The following DNAI1 variants were observed in gnomAD, a reference collection of about 807,000 sequenced individuals.
DNAI1 encodes the protein dynein, axonemal, intermediate polypeptide 1.
DNAI1 carries 67 observed loss-of-function variants against 92.0 expected under a neutral mutation model. That is an observed-to-expected ratio of 0.73 (90% CI 0.60 to 0.89). The LOEUF is 0.89. Ranked by LOEUF, DNAI1 falls within the 40% of genes least tolerant of loss-of-function variation. The probability of loss-of-function intolerance (pLI) is 0.00; values close to 1 mark genes in which losing one functional copy is unlikely to be tolerated. For missense variants in DNAI1, 839 were observed against 866.6 expected, an observed-to-expected ratio of 0.97 and a Z score of 0.40; for synonymous variants, 323 against 319.6, an observed-to-expected ratio of 1.01 and a Z score of -0.11.
intron 1 of DNAI1, among the ~76,000 whole-genome samples, chr9:34,467,312 C>T (rs1257284833): frequency 6.6e-6 from 1 of 152,044 alleles, no homozygotes; most frequent in East Asian, 1.9e-4. Flanking sequence ...AAATACAGCA[C>T]ACAGGCCAGG....
intron 9 of DNAI1, among the ~76,000 whole-genome samples, chr9:34,495,656 A>T (rs1001512209): frequency 7.2e-5 from 11 of 152,126 alleles, no homozygotes; most frequent in African/African-American, 2.4e-4. Flanking sequence ...GTGTCCTCCT[A>T]CCTCAAAGGA....
chr9:34,506,577 GGCAGGGCA>G (rs774995871), intron 12 of DNAI1, 42 bp from the exon 13 acceptor site: 2 of 1,613,032 alleles, frequency 1.2e-6, no homozygotes, highest in Admixed American at 3.3e-5. Flanking sequence ...GGCTTCTCCA[GGCAGGGCA>G]GTTGGATCCT....
chr9:34,509,878 C>T (rs1235592347), intron 13 of DNAI1, among the ~76,000 whole-genome samples: 2 of 139,238 alleles, frequency 1.4e-5, no homozygotes, highest in East Asian at 2.1e-4. Flanking sequence ...CCGGCCTGGG[C>T]GACAGAGCGA....
At chr9:34,498,445 G>C (rs1418976593) in intron 10 of DNAI1, among the ~76,000 whole-genome samples, 1 of 152,174 alleles carries the variant, frequency 6.6e-6, no homozygotes, top group African/African-American at 2.4e-5. Flanking sequence ...GCACTTCGCC[G>C]CTAGGCTGCA....
intron 9 of DNAI1, among the ~76,000 whole-genome samples, chr9:34,494,503 C>T (rs1476030442): frequency 6.6e-6 from 1 of 152,160 alleles, no homozygotes; most frequent in Non-Finnish European, 1.5e-5. Context: ...TCACAGGGGC[C>T]ACTGGCCTAG....
At chr9:34,507,772 G>A (rs1259153887) in intron 13 of DNAI1, among the ~76,000 whole-genome samples, 2 of 152,190 alleles carry the variant, frequency 1.3e-5, no homozygotes, top group Non-Finnish European at 2.9e-5. Context: ...CCCTCGGGTG[G>A]GACTGTAAGG....
At chr9:34,518,058 T>A (rs1825204122) in intron 19 of DNAI1, among the ~76,000 whole-genome samples, 1 of 152,242 alleles carries the variant, frequency 6.6e-6, no homozygotes, top group Non-Finnish European at 1.5e-5. Flanking sequence ...AGCGATGACC[T>A]TAAAGTCTAG....
chr9:34,514,423 C>A lies in DNAI1; in HGVS notation c.1599C>A (p.Leu533=), dbSNP rs150785761. The A allele has an allele frequency of 6.8e-6, 11 of 1,614,100 alleles. No homozygotes were observed. The highest frequency in any genetic ancestry group is 7.6e-6 in the Non-Finnish European group (9 of 1,180,054). ...KCSKSYSSQF[L]DTYDAHNMSV... ...CTAAATCCTACTCCAGCCAATTCCT[C>A]GACACCTATGACGCCCACAACATGT... The change falls in exon 17 of 20, where the codon CTC becomes CTA. Residue 533 remains leucine (L), a synonymous_variant. Coordinates refer to ENST00000242317, the MANE Select transcript of DNAI1 (RefSeq NM_012144.4).
chr9:34,517,248 A>G (rs1425020976), intron 18 of DNAI1, 37 bp from the exon 19 acceptor site: 1 of 1,606,726 alleles, frequency 6.2e-7, no homozygotes, highest in Non-Finnish European at 8.5e-7. Context: ...GACAGGCCTC[A>G]TTACCCCTGA....
intron 1 of DNAI1, among the ~76,000 whole-genome samples, chr9:34,481,022 A>G (rs1048189536): frequency 6.6e-6 from 1 of 151,714 alleles, no homozygotes; most frequent in South Asian, 2.1e-4. Flanking sequence ...AGGCGGATCA[A>G]CTGAGGTCAG....
chr9:34,517,366 C>G lies in DNAI1; in HGVS notation c.1900C>G (p.His634Asp). The G allele has an allele frequency of 2.5e-6, 4 of 1,614,192 alleles. No homozygotes were observed. The highest frequency in any genetic ancestry group is 3.4e-6 in the Non-Finnish European group (4 of 1,180,046). Residue 634 changes from histidine to aspartate, a missense_variant, in exon 19 of 20, where the codon CAC (histidine) becomes GAC (aspartate). His to Asp is a moderately conservative substitution (Grantham distance 81). Coordinates refer to ENST00000242317, the MANE Select transcript of DNAI1 (RefSeq NM_012144.4). ...PVAAKKNRLT[H>D]VQFNLIHPII... ...GGCGGCCAAAAAGAACAGGCTCACC[C>G]ACGTGCAGTTCAATCTCATCCACCC...
intron 12 of DNAI1, among the ~76,000 whole-genome samples, chr9:34,502,739 G>C (rs1024823973): frequency 1.3e-5 from 2 of 152,066 alleles, no homozygotes; most frequent in African/African-American, 4.8e-5. Flanking sequence ...CTTCCTTGAT[G>C]CTGTTAGCTA....
intron 18 of DNAI1, 92 bp from the exon 19 acceptor site, chr9:34,517,193 A>G: frequency 1.4e-6 from 2 of 1,404,794 alleles, no homozygotes; most frequent in Admixed American, 1.9e-5. Context: ...AGCCTTCTAC[A>G]GTCTTTCCCC....
intron 1 of DNAI1, among the ~76,000 whole-genome samples, chr9:34,482,933 G>A (rs6476450): frequency 0.2 from 29,774 of 152,222 alleles, 3,449 homozygotes; most frequent in African/African-American, 0.33. Flanking sequence ...AAGGCCCGGC[G>A]AGAAATCGAG....
chr9:34,463,647 C>T (rs1823988237), intron 1 of DNAI1, among the ~76,000 whole-genome samples: 1 of 152,062 alleles, frequency 6.6e-6, no homozygotes, highest in African/African-American at 2.4e-5. Flanking sequence ...AATTTTAGTA[C>T]CTCTTTATAA....
chr9:34,474,970 A>G (rs1002497410), intron 1 of DNAI1, among the ~76,000 whole-genome samples: 1 of 152,190 alleles, frequency 6.6e-6, no homozygotes, highest in Non-Finnish European at 1.5e-5. Flanking sequence ...TGGTACAAAA[A>G]GTTTGCATCA....
intron 1 of DNAI1, among the ~76,000 whole-genome samples, chr9:34,463,253 T>G (rs1365975722): frequency 6.6e-6 from 1 of 152,166 alleles, no homozygotes; most frequent in Non-Finnish European, 1.5e-5. Flanking sequence ...ACACATGTTC[T>G]GGATCAGCAA....
chr9:34,485,338 G>A (rs2132057535), intron 3 of DNAI1, 98 bp downstream of exon 3: 1 of 1,590,890 alleles, frequency 6.3e-7, no homozygotes, highest in Non-Finnish European at 8.6e-7. Context: ...CCAGAACCTG[G>A]GTGTGAGATG....
chr9:34,470,279 G>A (rs1480340498), intron 1 of DNAI1, among the ~76,000 whole-genome samples: 1 of 152,040 alleles, frequency 6.6e-6, no homozygotes, highest in Admixed American at 6.6e-5. Flanking sequence ...AAAACAAAGA[G>A]CAACATGGTA....
Sources: gnomAD v4.1 joint callset for allele counts (sites outside exome capture counted in the v4.1 genomes callset) on GRCh38, gnomAD v4.1.1 for gene constraint, MANE v1.5 for transcripts, NCBI Gene and HGNC (gene_info 2026-07-23, HGNC 2026-07-21) for gene names.